TEX15: variants seen among roughly 807,000 people sequenced by gnomAD.
The protein encoded by TEX15 is testis-expressed protein 15.
In TEX15, 171 loss-of-function variants were observed where a neutral mutation model predicts 237.3. The observed-to-expected ratio is 0.72, with a 90% CI of 0.64 to 0.82. TEX15 has a LOEUF of 0.82. Among genes scored for constraint, TEX15 ranks in the 40% least tolerant of loss-of-function variants. TEX15 has a pLI of 0.00. For missense variants in TEX15, 3,750 were observed against 3,646.5 expected (o/e 1.03, Z -0.73); for synonymous variants, 1,338 against 1,269.8 (o/e 1.05, Z -1.14).
rs764882262 is a variant in TEX15, at chr8:30,846,919, T to C, written c.3248A>G (p.Asn1083Ser). 21 of 1,613,546 alleles carry C rather than the reference T, an allele frequency of 1.3e-5. No homozygotes were observed. Among genetic ancestry groups the C allele is most frequent in the African/African-American group, 2.7e-5 (2 of 74,918 alleles). ...GGTCACAAATTCTTCACAAAGCATG[T>C]TTTCATGGCTATGTGTATCTTGTTG... ...IFQQDTHSHE[N>S]MLCEEFVTSY... is the part of the protein sequence containing the mutation. Residue 1083 changes from asparagine to serine, a missense_variant, in exon 8 of 11, where the codon AAC becomes AGC. Asn to Ser is a conservative substitution (Grantham distance 46, BLOSUM62 1). Transcript: ENST00000643185.
At chr8:30,875,930 G>A (rs1352308103) in intron 3 of TEX15, among the ~76,000 whole-genome samples, 1 of 151,796 alleles carries the variant, frequency 6.6e-6, no homozygotes, top group Non-Finnish European at 1.5e-5. Context: ...TCCTGCCTTG[G>A]CTTCCTGTGT....
At chr8:30,883,369 C>T (rs557331001) in intron 3 of TEX15, among the ~76,000 whole-genome samples, 9 of 149,886 alleles carry the variant, frequency 6.0e-5, no homozygotes, top group Admixed American at 2.7e-4. Flanking sequence ...TCAGTATTTT[C>T]TTTTTTTTTT....
At chr8:30,900,378 G>C (rs1316293367) in intron 1 of TEX15, among the ~76,000 whole-genome samples, 1 of 152,208 alleles carries the variant, frequency 6.6e-6, no homozygotes, top group Non-Finnish European at 1.5e-5. Flanking sequence ...CTGTGATAGT[G>C]ATGATCCATC....
In TEX15 at chr8:30,847,021, T is replaced by C. The variant is rs1807634367; in HGVS notation, c.3146A>G (p.Asn1049Ser). The change falls in exon 8 of 11, where the codon AAC becomes AGC. Residue 1049 changes from asparagine to serine, a missense_variant. Coordinates refer to ENST00000643185, the MANE Select transcript of TEX15 (RefSeq NM_001350162.2). Reference protein sequence around the residue: ...QESFHQSINENLVLQSIELES... With the variant: ...QESFHQSINESLVLQSIELES... ...CAATTCAATGCTCTGAAGAACTAAG[T>C]TCTCATTTATTGATTGATGAAATGA... The C allele has an allele frequency of 1.9e-6, 3 of 1,612,722 alleles. No individual in the cohort carries two copies. Among genetic ancestry groups the C allele is most frequent in the East Asian group, 2.2e-5 (1 of 44,868 alleles).
intron 2 of TEX15, among the ~76,000 whole-genome samples, chr8:30,893,731 C>T (rs1028419448): frequency 2.0e-5 from 3 of 152,146 alleles, no homozygotes; most frequent in Admixed American, 6.5e-5. Flanking sequence ...TCTTTTCCTC[C>T]GGCAGCTTTT....
Position 30,858,930 on chromosome 8 carries a change from A to G in TEX15, c.688-100T>C, listed in dbSNP as rs929595364. 11 of 766,066 alleles carry G rather than the reference A, an allele frequency of 1.4e-5. No individual in the cohort carries two copies. In the African/African-American group the frequency reaches 2.0e-4, roughly 14 times the overall value. The allele number at this position is 766,066 out of a possible 1,614,324, so 47.5% of individuals were successfully genotyped here. On this transcript the variant is annotated intron_variant, in intron 6 of 10. Transcript: ENST00000643185. ...CAATATAATTGCATATTATTTATAT[A>G]CTTCCATATAAACTTCTCCAGCTGC...
At chr8:30,878,102 T>TTG (rs1410717246) in intron 3 of TEX15, among the ~76,000 whole-genome samples, 16 of 151,210 alleles carry the variant, frequency 1.1e-4, no homozygotes, top group African/African-American at 3.7e-4. Context: ...ATTGCTTTTT[T>TTG]TTTTTTTTTT....
At position 30,843,824 on chromosome 8, in the gene TEX15, CAAG is replaced by C; in HGVS notation, c.6340_6342del (p.Leu2114del). On this transcript the variant is annotated inframe_deletion, in exon 8 of 11. Transcript: ENST00000643185. ...TGCTGTTGAAATCCACGTGGTTTTC[CAAG>C]AAGCTCAGCATACAGTGTTTCATCA... 6.2e-7 allele frequency: 1 copy of C among 1,612,696 alleles called. No individual in the cohort carries two copies. Among genetic ancestry groups the C allele is most frequent in the Non-Finnish European group, 8.5e-7 (1 of 1,179,334 alleles).
chr8:30,851,911 GTGAC>G (rs780941180), intron 7 of TEX15, among the ~76,000 whole-genome samples: 1 of 151,994 alleles, frequency 6.6e-6, no homozygotes, highest in Non-Finnish European at 1.5e-5. Context: ...TCCAACCTGG[GTGAC>G]AGAGCAAGAC....
intron 2 of TEX15, among the ~76,000 whole-genome samples, chr8:30,893,542 T>C (rs1444121721): frequency 6.6e-6 from 1 of 152,254 alleles, no homozygotes; most frequent in Non-Finnish European, 1.5e-5. Context: ...TTGCCCTTGA[T>C]TTTAAAGGGA....
At chr8:30,880,176 C>G (rs1249641725) in intron 3 of TEX15, among the ~76,000 whole-genome samples, 1 of 151,842 alleles carries the variant, frequency 6.6e-6, no homozygotes, top group Non-Finnish European at 1.5e-5. Context: ...TTATAGGCAC[C>G]CACCACCACG....
chr8:30,859,962 T>C lies in TEX15; in HGVS notation c.636A>G (p.Arg212=). The C allele has an allele frequency of 1.2e-5, 18 of 1,518,746 alleles. No homozygotes were observed. Among genetic ancestry groups the C allele is most frequent in the Non-Finnish European group, 1.6e-5 (18 of 1,140,694 alleles). 94.1% of individuals were successfully genotyped at this position (1,518,746 alleles called of 1,614,324 possible). ...TGGTATCTTTCAAAGAAGGTGCATT[T>C]CTTGACATATGGCAATCAAAGTTAG... ...PSPNFDCHMS[R]NAPSLKDTIE... The change falls in exon 6 of 11, where the codon AGA becomes AGG. Residue 212 remains arginine, a synonymous_variant. Transcript: ENST00000643185.
chr8:30,894,786 A>C (rs1482300778), intron 2 of TEX15, among the ~76,000 whole-genome samples: 1 of 152,234 alleles, frequency 6.6e-6, no homozygotes, highest in Non-Finnish European at 1.5e-5. Context: ...GAAAAAGCCT[A>C]ATGTGAAGGT....
At position 30,890,824 on chromosome 8, in the gene TEX15, G is replaced by GT. The variant is rs772782635; in HGVS notation, c.-9-3514dup. Among the ~76,000 whole-genome samples the GT allele has an allele frequency of 8.1e-4, 123 of 152,030 alleles. 4 individuals are homozygous for GT. Among genetic ancestry groups the GT allele is most frequent in the Middle Eastern group, 6.8e-3 (2 of 294 alleles). ...CTTGGTAAATAAAAATAGAACTGTG[G>GT]TTTTAGTTTGCATTTAATTCATTAT... On this transcript the variant is annotated intron_variant, in intron 2 of 10. Transcript: ENST00000643185.
At chr8:30,887,536 C>T (rs1808679655) in intron 2 of TEX15, 2 of 348,074 alleles carry the variant, frequency 5.7e-6, no homozygotes, top group African/African-American at 2.2e-5. Flanking sequence ...TGGTGACTCA[C>T]ACCTGTAATC....
chr8:30,846,950 TA>T lies in TEX15; in HGVS notation c.3216del (p.Phe1072LeufsTer19). On this transcript the variant is annotated frameshift_variant, in exon 8 of 11. Transcript: ENST00000643185. LOFTEE classifies it high-confidence loss of function. ...EIELEDCDDA[F>X]IFQQDTHSHE... ...TGGCTATGTGTATCTTGTTGAAATA[TA>T]AAAGCATCATCACAATCTTCTAATT... 3.1e-6 allele frequency: 5 copies of T among 1,613,808 alleles called. 1 individual carries two copies. The highest frequency in any genetic ancestry group is 3.3e-4 in the Middle Eastern group (2 of 6,062).
chr8:30,905,734 C>CAAAAA (rs34079195), intron 1 of TEX15, among the ~76,000 whole-genome samples: 19 of 50,992 alleles, frequency 3.7e-4, no homozygotes, highest in East Asian at 7.3e-4. Context: ...ACAAAAAATA[C>CAAAAA]AAAAAAAAAA....
At chr8:30,874,302 G>A (rs765142735) in intron 4 of TEX15, among the ~76,000 whole-genome samples, 25 of 152,098 alleles carry the variant, frequency 1.6e-4, no homozygotes, top group Non-Finnish European at 2.2e-4. Flanking sequence ...AAATGGCAAA[G>A]GAGACAAGTT....
chr8:30,878,164 G>T (rs1308741590), intron 3 of TEX15, among the ~76,000 whole-genome samples: 1 of 134,306 alleles, frequency 7.4e-6, no homozygotes, highest in South Asian at 2.3e-4. Context: ...TGAGTAGATT[G>T]TTTCTTTTTA....
Sources: gnomAD v4.1 joint callset for allele counts (sites outside exome capture counted in the v4.1 genomes callset) on GRCh38, gnomAD v4.1.1 for gene constraint, MANE v1.5 for transcripts, NCBI Gene and HGNC (gene_info 2026-07-23, HGNC 2026-07-21) for gene names.